AP2B1: variants seen among roughly 807,000 people sequenced by gnomAD.
The protein encoded by AP2B1 is AP-2 complex subunit beta.
Under a neutral mutation model 102.0 loss-of-function variants are expected in AP2B1, and 23 were observed. The observed-to-expected ratio is 0.23, with a 90% confidence interval of 0.16 to 0.32. AP2B1 has a LOEUF of 0.32. Ranked by LOEUF, AP2B1 falls within the 10% of genes least tolerant of loss-of-function variation. The probability of loss-of-function intolerance (pLI) is 1.00; values close to 1 mark genes in which losing one functional copy is unlikely to be tolerated. For missense variants in AP2B1, 541 were observed against 1,157.4 expected (o/e 0.47, Z 7.73); for synonymous variants, 381 against 421.2 (o/e 0.90, Z 1.17).
intron 9 of AP2B1, among the ~76,000 whole-genome samples, chr17:35,629,951 G>A (rs942130755): frequency 6.6e-6 from 1 of 152,184 alleles, no homozygotes; most frequent in Non-Finnish European, 1.5e-5. Flanking sequence ...TCTGTTCACT[G>A]TTTTTATGGG....
chr17:35,589,523 T>C (rs1448459488), intron 1 of AP2B1, among the ~76,000 whole-genome samples: 3 of 152,212 alleles, frequency 2.0e-5, no homozygotes, highest in Non-Finnish European at 4.4e-5. Flanking sequence ...GAGGGAGATA[T>C]AGGAGAGGAG....
chr17:35,676,661 A>G (rs1485576997), intron 17 of AP2B1, among the ~76,000 whole-genome samples: 1 of 152,224 alleles, frequency 6.6e-6, no homozygotes, highest in East Asian at 1.9e-4. Context: ...GGTAAGCTTG[A>G]GAATTCCAGA....
chr17:35,711,910 A>G (rs147284587), intron 20 of AP2B1, among the ~76,000 whole-genome samples: 587 of 152,270 alleles, frequency 3.9e-3, no homozygotes, highest in African/African-American at 0.013. Flanking sequence ...TGATGCTCCT[A>G]TAGGCCCTCT....
intron 18 of AP2B1, among the ~76,000 whole-genome samples, chr17:35,687,091 C>G (rs994077409): frequency 6.6e-6 from 1 of 152,104 alleles, no homozygotes; most frequent in African/African-American, 2.4e-5. Flanking sequence ...ACCTAAATAA[C>G]ATGCTCATAT....
intron 3 of AP2B1, among the ~76,000 whole-genome samples, chr17:35,599,986 G>A (rs546887624): frequency 3.3e-5 from 5 of 152,256 alleles, no homozygotes; most frequent in South Asian, 2.1e-4. Context: ...AAAGTTTATC[G>A]ATACGGCTTC....
intron 12 of AP2B1, among the ~76,000 whole-genome samples, chr17:35,646,687 C>T (rs1662142656): frequency 6.7e-6 from 1 of 150,326 alleles, no homozygotes; most frequent in African/African-American, 2.5e-5. Context: ...CTCCTGGGTT[C>T]AAGTGATTCT....
chr17:35,604,575 T>C (rs928018779), intron 3 of AP2B1, among the ~76,000 whole-genome samples: 1 of 108,782 alleles, frequency 9.2e-6, no homozygotes. Context: ...CTGGCTAACA[T>C]GGTGAAACCC....
chr17:35,652,232 T>TA (rs1264457553), intron 13 of AP2B1, among the ~76,000 whole-genome samples: 4 of 152,154 alleles, frequency 2.6e-5, no homozygotes, highest in African/African-American at 7.2e-5. Context: ...TTGTGTTTTT[T>TA]AAAAAAATGC....
At chr17:35,687,910 A>AT (rs2142996576) in intron 18 of AP2B1, among the ~76,000 whole-genome samples, 1 of 152,240 alleles carries the variant, frequency 6.6e-6, no homozygotes, top group Non-Finnish European at 1.5e-5. Context: ...TATTAAAGTG[A>AT]TTTTTCCTCA....
chr17:35,699,087 C>T (rs1214891604), intron 18 of AP2B1, among the ~76,000 whole-genome samples: 1 of 152,156 alleles, frequency 6.6e-6, no homozygotes, highest in African/African-American at 2.4e-5. Flanking sequence ...CAGGAGAAGT[C>T]ATAGTATTTC....
intron 2 of AP2B1, among the ~76,000 whole-genome samples, chr17:35,596,702 C>T (rs979566143): frequency 2.6e-5 from 4 of 152,168 alleles, no homozygotes; most frequent in Non-Finnish European, 1.5e-5. Flanking sequence ...CGTCCAGCTC[C>T]AGCTGCCCGG....
Position 35,723,922 on chromosome 17 carries a change from C to T in AP2B1, c.*223C>T, listed in dbSNP as rs587687101. The stretch of plus-strand genomic sequence containing the variant: ...GCTTCAGTCACCTCCCACCTCTTGC[C>T]ACCTGCTGCTGCTATCTGTCCTTAC... On this transcript the variant is annotated 3_prime_UTR_variant, in exon 22 of 22. Coordinates refer to ENST00000610402, the MANE Select transcript of AP2B1 (RefSeq NM_001030006.2). 1.2e-4 allele frequency: 54 copies of T among 455,922 alleles called. No individual in the cohort carries two copies. Among genetic ancestry groups the T allele is most frequent in the African/African-American group, 9.6e-4 (50 of 52,282 alleles). 28.2% of individuals were successfully genotyped at this position (455,922 alleles called of 1,614,324 possible).
chr17:35,609,348 ATT>A (rs71366466), intron 5 of AP2B1, among the ~76,000 whole-genome samples: 1 of 139,444 alleles, frequency 7.2e-6, no homozygotes, highest in Non-Finnish European at 1.5e-5. Flanking sequence ...CATCCCGCTA[ATT>A]TTTTTTTTTT....
intron 5 of AP2B1, among the ~76,000 whole-genome samples, chr17:35,610,214 G>A (rs1488307661): frequency 4.6e-5 from 7 of 151,112 alleles, no homozygotes; most frequent in African/African-American, 7.3e-5. Context: ...GCATGATCTC[G>A]GCTCACTGGA....
chr17:35,654,961 T>C (rs1030913303), intron 13 of AP2B1, among the ~76,000 whole-genome samples: 2 of 152,188 alleles, frequency 1.3e-5, no homozygotes, highest in African/African-American at 2.4e-5. Flanking sequence ...GGTGATGTTT[T>C]TGGTAAACAA....
chr17:35,589,924 C>CTTTTTT (rs71366465), intron 1 of AP2B1, among the ~76,000 whole-genome samples: 31 of 119,456 alleles, frequency 2.6e-4, no homozygotes, highest in African/African-American at 7.7e-4. Context: ...TCTGTAACTT[C>CTTTTTT]TTTTTTTTTT....
At chr17:35,721,992 G>C (rs2085407094) in intron 21 of AP2B1, among the ~76,000 whole-genome samples, 1 of 152,156 alleles carries the variant, frequency 6.6e-6, no homozygotes, top group South Asian at 2.1e-4. Flanking sequence ...TGTAATCCCA[G>C]CATTTTGGGA....
chr17:35,632,828 T>C (rs556774808), intron 9 of AP2B1, among the ~76,000 whole-genome samples: 56 of 152,176 alleles, frequency 3.7e-4, no homozygotes, highest in African/African-American at 1.3e-3. Flanking sequence ...GAGCTTTATA[T>C]CAAGCACTGT....
At chr17:35,608,464 T>G in intron 5 of AP2B1, 77 bp downstream of exon 5, 9 of 1,541,216 alleles carry the variant, frequency 5.8e-6, no homozygotes, top group Non-Finnish European at 8.0e-6. Flanking sequence ...ATATGAACCT[T>G]GTCTTTGGAA....
Sources: allele counts gnomAD v4.1 joint callset (sites outside exome capture counted in the v4.1 genomes callset), GRCh38; gene constraint gnomAD v4.1.1; transcripts MANE v1.5; gene names NCBI Gene and HGNC (gene_info 2026-07-23, HGNC 2026-07-21).